The following PHGDH variants were observed in gnomAD, a reference collection of about 807,000 sequenced individuals.
PHGDH encodes D-3-phosphoglycerate dehydrogenase.
A neutral mutation model predicts 52.6 loss-of-function variants in PHGDH; 50 were observed. The ratio of observed to expected loss-of-function variants is 0.95; its 90% CI spans 0.76 to 1.20. The LOEUF is 1.20. PHGDH is among the 50% of genes most tolerant of loss of function. PHGDH has a pLI of 0.00. For missense variants in PHGDH, 630 were observed against 684.6 expected (o/e 0.92, Z 0.89); for synonymous variants, 271 against 280.5 (o/e 0.97, Z 0.34).
At chr1:119,732,083 A>G (rs1209501628) in intron 5 of PHGDH, among the ~76,000 whole-genome samples, 1 of 152,168 alleles carries the variant, frequency 6.6e-6, no homozygotes, top group East Asian at 1.9e-4. Context: ...TGGTAGGGAG[A>G]GTTCCAATGC....
rs75361813 is a variant in PHGDH at position 119,742,071 on chromosome 1, C to T, written c.1209+174C>T. On this transcript the variant is annotated intron_variant, in intron 10 of 11. Transcript: ENST00000641023. The stretch of plus-strand genomic sequence containing the variant: ...ACTGCAAAATGAAGATACTGCCTGG[C>T]CCCGAGTGTTGCTAATGGCACTGCT... 5.8e-3 allele frequency: 3,791 copies of T among 648,452 alleles called. 122 individuals are homozygous for T. The African/African-American group carries it at 0.063, about 11-fold the overall frequency. 40.2% of individuals were successfully genotyped at this position (648,452 alleles called of 1,614,324 possible).
chr1:119,721,093 G>A (rs1414111263), intron 1 of PHGDH, 77 bp from the exon 2 acceptor site: 3 of 1,357,088 alleles, frequency 2.2e-6, no homozygotes, highest in Non-Finnish European at 2.1e-6. Context: ...TTACTCAGGA[G>A]TAAGCAATGA....
At chr1:119,739,561 A>G (rs188604547) in intron 8 of PHGDH, 2 of 152,274 alleles carry the variant, frequency 1.3e-5, no homozygotes, top group Admixed American at 1.3e-4. Context: ...TGATATCTTT[A>G]TGAAAACAGA....
rs927634926 is a variant in PHGDH at position 119,735,332 on chromosome 1, G to C, written c.681G>C (p.Lys227Asn). The C allele has an allele frequency of 1.9e-6, 3 of 1,614,108 alleles. No individual in the cohort carries two copies. Among genetic ancestry groups the C allele is most frequent in the Non-Finnish European group, 2.5e-6 (3 of 1,180,046 alleles). Residue 227 changes from lysine (K) to asparagine (N), a missense_variant, in exon 7 of 12, where the codon AAG (lysine) becomes AAC (asparagine). Lys to Asn is a moderately conservative substitution (Grantham distance 94, BLOSUM62 0). Coordinates refer to ENST00000641023, the MANE Select transcript of PHGDH (RefSeq NM_006623.4). ...LNDNTFAQCKKGVRVVNCARG... is the reference protein window; with the variant it reads ...LNDNTFAQCKNGVRVVNCARG... Reference sequence around the variant, plus strand: ...ACAACACCTTTGCCCAGTGCAAGAAGGGGGTGCGTGTGGTGAACTGTGCCC... The same window carrying C: ...ACAACACCTTTGCCCAGTGCAAGAACGGGGTGCGTGTGGTGAACTGTGCCC...
chr1:119,718,324 T>A (rs1420865594), intron 1 of PHGDH, among the ~76,000 whole-genome samples: 2 of 152,242 alleles, frequency 1.3e-5, no homozygotes, highest in African/African-American at 4.8e-5. Flanking sequence ...AGTTTGCTTG[T>A]CTGTACTATA....
intron 2 of PHGDH, among the ~76,000 whole-genome samples, chr1:119,722,207 C>T (rs587674536): frequency 3.3e-5 from 5 of 152,276 alleles, no homozygotes; most frequent in East Asian, 3.9e-4. Context: ...CCTCTACTTG[C>T]GCCCCCATAC....
intron 1 of PHGDH, 58 bp downstream of exon 1, chr1:119,712,218 G>T (rs906316082): frequency 3.2e-6 from 5 of 1,539,272 alleles, no homozygotes; most frequent in Non-Finnish European, 4.5e-6. Flanking sequence ...AAAAAGGCTG[G>T]CTGCGCCCAG....
chr1:119,743,838 C>CT (rs1228477710), intron 11 of PHGDH, 48 bp from the exon 12 acceptor site: 1 of 1,509,216 alleles, frequency 6.6e-7, no homozygotes. Flanking sequence ...TCCCTCGCTC[C>CT]TTTTTCCCCT....
chr1:119,712,274 G>GGTGCAT, intron 1 of PHGDH, 114 bp downstream of exon 1: 1 of 910,354 alleles, frequency 1.1e-6, no homozygotes, highest in Non-Finnish European at 1.8e-6. Flanking sequence ...TTAGTTCCGG[G>GGTGCAT]GCCTCCTGAG....
intron 8 of PHGDH, among the ~76,000 whole-genome samples, chr1:119,737,931 C>T (rs12070041): frequency 0.088 from 13,457 of 152,200 alleles, 774 homozygotes; most frequent in Admixed American, 0.19. Flanking sequence ...TTGGGAGACA[C>T]GGGTGCATGA....
At chr1:119,738,058 C>T (rs991211642) in intron 8 of PHGDH, among the ~76,000 whole-genome samples, 3 of 148,224 alleles carry the variant, frequency 2.0e-5, no homozygotes, top group Admixed American at 2.0e-4. Context: ...AGGTTCAGTT[C>T]CATGGGGTGT....
intron 5 of PHGDH, chr1:119,730,051 C>G (rs1651626060): frequency 6.6e-6 from 1 of 152,144 alleles, no homozygotes; most frequent in Non-Finnish European, 1.5e-5. Context: ...GTGGCCTCTT[C>G]TCGTGCTCAG....
At chr1:119,713,861 G>A (rs1650808214) in intron 1 of PHGDH, among the ~76,000 whole-genome samples, 1 of 152,126 alleles carries the variant, frequency 6.6e-6, no homozygotes, top group South Asian at 2.1e-4. Flanking sequence ...TGAGGGGGTG[G>A]GGATAGGGAG....
Position 119,741,759 on chromosome 1 carries a change from G to C in PHGDH, c.1079-8G>C. On this transcript the variant is annotated splice_polypyrimidine_tract_variant and splice_region_variant and intron_variant, in intron 9 of 11. Coordinates refer to ENST00000641023, the MANE Select transcript of PHGDH (RefSeq NM_006623.4). ...AGTGACCTCATGGTAGCTTCTCTCT[G>C]TCCCCAGGAACATCCCTGAAGAATG... 1 of 1,613,580 alleles carries C rather than the reference G, an allele frequency of 6.2e-7. No individual in the cohort carries two copies. Among genetic ancestry groups the C allele is most frequent in the Non-Finnish European group, 8.5e-7 (1 of 1,179,528 alleles).
At position 119,744,122 on chromosome 1, in the gene PHGDH, A is replaced by C. The variant is rs1179951485; in HGVS notation, c.*82A>C. Reference sequence around the variant, plus strand: ...TGATCAATAGGGAGAGAAAATCCACATTCTTGGGCTGAACGCGGGCCTCTG... The same window carrying C: ...TGATCAATAGGGAGAGAAAATCCACCTTCTTGGGCTGAACGCGGGCCTCTG... On this transcript the variant is annotated 3_prime_UTR_variant, in exon 12 of 12. Coordinates refer to ENST00000641023, the MANE Select transcript of PHGDH (RefSeq NM_006623.4). The C allele has an allele frequency of 1.2e-5, 16 of 1,342,290 alleles. No homozygotes were observed. Among genetic ancestry groups the C allele is most frequent in the Non-Finnish European group, 1.4e-5 (13 of 934,382 alleles). 83.1% of individuals were successfully genotyped at this position (1,342,290 alleles called of 1,614,324 possible). A position where few individuals can be genotyped will look rare whatever the true frequency, so the allele number is the denominator to read the frequency against.
At chr1:119,712,269 T>G in intron 1 of PHGDH, 109 bp downstream of exon 1, 22 of 763,792 alleles carry the variant, frequency 2.9e-5, no homozygotes, top group East Asian at 9.0e-5. Context: ...ATCAATTAGT[T>G]CCGGGGCCTC....
intron 5 of PHGDH, among the ~76,000 whole-genome samples, chr1:119,733,518 A>T (rs893043327): frequency 1.1e-4 from 15 of 133,356 alleles, no homozygotes; most frequent in African/African-American, 1.9e-4. Flanking sequence ...AATTTTTTGT[A>T]GGGGGGGGGG....
chr1:119,731,360 A>G (rs946360891), intron 5 of PHGDH, among the ~76,000 whole-genome samples: 2 of 152,170 alleles, frequency 1.3e-5, no homozygotes, highest in Non-Finnish European at 2.9e-5. Flanking sequence ...CAGCTCATTC[A>G]TGCTGGTGTG....
chr1:119,743,451 A>T (rs2101227344), intron 11 of PHGDH, among the ~76,000 whole-genome samples: 1 of 152,274 alleles, frequency 6.6e-6, no homozygotes, highest in South Asian at 2.1e-4. Context: ...AGCAAAACCT[A>T]CAAAGCCTCC....
Sources: gnomAD v4.1 joint callset for allele counts (sites outside exome capture counted in the v4.1 genomes callset) on GRCh38, gnomAD v4.1.1 for gene constraint, MANE v1.5 for transcripts, NCBI Gene and HGNC (gene_info 2026-07-23, HGNC 2026-07-21) for gene names.